CAMTA1: variants seen among roughly 807,000 people sequenced by gnomAD.
CAMTA1 encodes the protein calmodulin binding transcription activator 1, also known as calmodulin-binding transcription activator 1.
A neutral mutation model predicts 170.9 loss-of-function variants in CAMTA1; 27 were observed. The ratio of observed to expected loss-of-function variants is 0.16; its 90% CI spans 0.12 to 0.22. The LOEUF (loss-of-function observed/expected upper bound fraction) is 0.22, where lower values mean the gene tolerates loss of function less well. Among genes scored for constraint, CAMTA1 ranks in the 10% least tolerant of loss-of-function variants. CAMTA1 has a pLI of 1.00. For synonymous variants in CAMTA1, 833 were observed against 891.5 expected, an observed-to-expected ratio of 0.93 and a Z score of 1.17; for missense variants, 1,619 against 2,217.2, an observed-to-expected ratio of 0.73 and a Z score of 5.42.
At chr1:7,672,122 C>A (rs776546164) in intron 10 of CAMTA1, 1 of 452,784 alleles carries the variant, frequency 2.2e-6, no homozygotes, top group Non-Finnish European at 4.4e-6. Context: ...TGCAGGGGTG[C>A]GGAACGGCAG....
chr1:7,313,431 G>C (rs1677036935), intron 5 of CAMTA1, among the ~76,000 whole-genome samples: 1 of 152,206 alleles, frequency 6.6e-6, no homozygotes, highest in Admixed American at 6.5e-5. Context: ...TTGATGAACT[G>C]CACTCCACGG....
At chr1:6,967,203 T>C (rs1397400581) in intron 3 of CAMTA1, among the ~76,000 whole-genome samples, 1 of 151,980 alleles carries the variant, frequency 6.6e-6, no homozygotes, top group Non-Finnish European at 1.5e-5. Flanking sequence ...ACTGTGCCAC[T>C]GCACTCCAGC....
In CAMTA1 at chr1:7,680,565, G is replaced by A. The variant is rs2096182792; in HGVS notation, c.2914+2832G>A. On this transcript the variant is annotated intron_variant, in intron 11 of 22. Transcript: ENST00000303635. This position sits in a 1 kb window ranked among gnomAD's most constrained non-coding sequence, Gnocchi z 4.4. The stretch of plus-strand genomic sequence containing the variant: ...TCTGGGGCCCCAGCAGGGACTGCGA[G>A]GACCGCGGGACTAGGAAGGCCTGAG... Among the ~76,000 whole-genome samples the A allele has an allele frequency of 6.6e-6, 1 of 151,828 alleles. No homozygotes were observed. The highest frequency in any genetic ancestry group is 1.5e-5 in the Non-Finnish European group (1 of 67,914).
chr1:7,195,320 C>T lies in CAMTA1; in HGVS notation c.303-54171C>T, dbSNP rs1274593139. Among the ~76,000 whole-genome samples, 1 of 152,198 alleles carries T rather than the reference C, an allele frequency of 6.6e-6. No homozygotes were observed. Among genetic ancestry groups the T allele is most frequent in the Non-Finnish European group, 1.5e-5 (1 of 68,038 alleles). On this transcript the variant is annotated intron_variant, in intron 4 of 22. Transcript: ENST00000303635. This position sits in a 1 kb window ranked among gnomAD's most constrained non-coding sequence, Gnocchi z 4.1. The stretch of plus-strand genomic sequence containing the variant: ...ATGCAAGTGGAAATGACAAGTGCGA[C>T]TTCATGGCACAGATTTTCGGAGTCC...
rs2101362524 is a variant in CAMTA1 at position 7,041,363 on chromosome 1, G to T, written c.235-49941G>T. 6.6e-6 allele frequency among the ~76,000 whole-genome samples: 1 copy of T among 152,228 alleles called. No homozygotes were observed. Among genetic ancestry groups the T allele is most frequent in the East Asian group, 1.9e-4 (1 of 5,188 alleles). Reference sequence around the variant, plus strand: ...GCATCTATTGTCTAAGAGGGCTGGGGAAGCTCACTGTTTGAAACACACACA... The same window carrying T: ...GCATCTATTGTCTAAGAGGGCTGGGTAAGCTCACTGTTTGAAACACACACA... On this transcript the variant is annotated intron_variant, in intron 3 of 22. Coordinates refer to ENST00000303635, the MANE Select transcript of CAMTA1 (RefSeq NM_015215.4). The surrounding 1 kb of genome is among the most constrained non-coding windows in gnomAD (Gnocchi z 5.1).
Position 7,455,927 on chromosome 1 carries a change from G to A in CAMTA1, c.439-11903G>A, listed in dbSNP as rs542729725. The stretch of plus-strand genomic sequence containing the variant: ...GCCGGCCACCTGGGGCTGTGTAGCC[G>A]AAGCTCCCAGCGCCAGAGGGTACAG... On this transcript the variant is annotated intron_variant, in intron 5 of 22. Coordinates refer to ENST00000303635, the MANE Select transcript of CAMTA1 (RefSeq NM_015215.4). This position sits in a 1 kb window ranked among gnomAD's most constrained non-coding sequence, Gnocchi z 5.0. Among the ~76,000 whole-genome samples, 640 of 152,290 alleles carry A rather than the reference G, an allele frequency of 4.2e-3. No individual in the cohort carries two copies. Among genetic ancestry groups the A allele is most frequent in the African/African-American group, 0.014 (576 of 41,558 alleles).
intron 5 of CAMTA1, among the ~76,000 whole-genome samples, chr1:7,284,116 A>C (rs535980369): frequency 1.5e-4 from 21 of 144,058 alleles, no homozygotes; most frequent in Admixed American, 4.8e-4. Flanking sequence ...CTGTTTCGGT[A>C]TTTGCTGCTG....
In CAMTA1 at chr1:7,748,136, T is replaced by A. The variant is rs1402398169; in HGVS notation, c.4689+355T>A. 6.6e-6 allele frequency among the ~76,000 whole-genome samples: 1 copy of A among 152,062 alleles called. No homozygotes were observed. The highest frequency in any genetic ancestry group is 1.5e-5 in the Non-Finnish European group (1 of 68,006). On this transcript the variant is annotated intron_variant, in intron 19 of 22. Transcript: ENST00000303635. The surrounding 1 kb of genome is among the most constrained non-coding windows in gnomAD (Gnocchi z 4.7). ...CCATGTTGCCAGGCTGGTCTTGAACTCCTGACCTCAAGTGATCTGCCCGCC... is the reference window on the plus strand; with the variant it reads ...CCATGTTGCCAGGCTGGTCTTGAACACCTGACCTCAAGTGATCTGCCCGCC...
In CAMTA1 at chr1:7,426,172, AAC is replaced by A. The variant is rs2091865905; in HGVS notation, c.439-41656_439-41655del. On this transcript the variant is annotated intron_variant, in intron 5 of 22. Coordinates refer to ENST00000303635, the MANE Select transcript of CAMTA1 (RefSeq NM_015215.4). This position sits in a 1 kb window ranked among gnomAD's most constrained non-coding sequence, Gnocchi z 4.8. ...CAGATTACCTTTCCAGCCTGACTTT[AAC>A]AGTTTAAAAAGGTGAGGGCACCTCC... is the stretch of plus-strand genomic sequence containing the variant. Among the ~76,000 whole-genome samples the A allele has an allele frequency of 6.6e-6, 1 of 151,892 alleles. No homozygotes were observed. The highest frequency in any genetic ancestry group is 2.4e-5 in the African/African-American group (1 of 41,196).
intron 5 of CAMTA1, among the ~76,000 whole-genome samples, chr1:7,277,900 T>C (rs2149441513): frequency 6.6e-6 from 1 of 152,356 alleles, no homozygotes; most frequent in Non-Finnish European, 1.5e-5. Context: ...CTTAACCTGT[T>C]CACTGACATT....
chr1:7,139,158 A>AAT (rs1254300852), intron 4 of CAMTA1, among the ~76,000 whole-genome samples: 1 of 142,280 alleles, frequency 7.0e-6, no homozygotes, highest in Non-Finnish European at 1.5e-5. Context: ...TATAAATATA[A>AAT]ATATATATAA....
At chr1:7,496,584 T>G (rs1433583579) in intron 6 of CAMTA1, among the ~76,000 whole-genome samples, 1 of 152,190 alleles carries the variant, frequency 6.6e-6, no homozygotes. Flanking sequence ...AATGTTCCCC[T>G]GGGATTAATC....
intron 5 of CAMTA1, among the ~76,000 whole-genome samples, chr1:7,311,238 A>G (rs955801124): frequency 5.9e-5 from 9 of 152,208 alleles, no homozygotes; most frequent in Non-Finnish European, 1.0e-4. Flanking sequence ...TAATATTCCA[A>G]TAACACAGAT....
chr1:7,690,401 C>G (rs943754187), intron 11 of CAMTA1, among the ~76,000 whole-genome samples: 2 of 152,180 alleles, frequency 1.3e-5, no homozygotes, highest in African/African-American at 2.4e-5. Flanking sequence ...CCAGTGGAGG[C>G]CTCAGAGTGT....
Position 7,656,465 on chromosome 1 carries a change from C to T in CAMTA1, c.665-5261C>T, listed in dbSNP as rs143694480. ...TCCCACCCATGTGACCTCACTTAAC[C>T]GTAATTACCTCCTTAAAAGTCTGTT... On this transcript the variant is annotated intron_variant, in intron 7 of 22. Coordinates refer to ENST00000303635, the MANE Select transcript of CAMTA1 (RefSeq NM_015215.4). 4.8e-3 allele frequency among the ~76,000 whole-genome samples: 736 copies of T among 152,356 alleles called. 3 individuals are homozygous for T. Among genetic ancestry groups the T allele is most frequent in the Middle Eastern group, 6.8e-3 (2 of 294 alleles).
chr1:7,047,706 T>C (rs1705616077), intron 3 of CAMTA1, among the ~76,000 whole-genome samples: 1 of 132,800 alleles, frequency 7.5e-6, no homozygotes, highest in African/African-American at 3.9e-5. Context: ...TTTGGCTTTC[T>C]CTCTCTCTCT....
At chr1:7,274,214 G>A (rs1670253658) in intron 5 of CAMTA1, among the ~76,000 whole-genome samples, 1 of 151,970 alleles carries the variant, frequency 6.6e-6, no homozygotes, top group Non-Finnish European at 1.5e-5. Flanking sequence ...CTTTCTACAA[G>A]AAACACTTTA....
rs115725366 is a variant in CAMTA1 at position 7,095,641 on chromosome 1, G to A, written c.302+4270G>A. ...CCTCTATTCCTCTCCGCCTCTCACT[G>A]CCGTGAATTCCAAACCAACTAGGAG... On this transcript the variant is annotated intron_variant, in intron 4 of 22. Transcript: ENST00000303635. 3.7e-3 allele frequency among the ~76,000 whole-genome samples: 557 copies of A among 152,336 alleles called. 4 individuals are homozygous for A. The highest frequency in any genetic ancestry group is 0.013 in the African/African-American group (529 of 41,586).
intron 3 of CAMTA1, among the ~76,000 whole-genome samples, chr1:6,882,031 G>A (rs1322725865): frequency 6.6e-6 from 1 of 152,052 alleles, no homozygotes; most frequent in Non-Finnish European, 1.5e-5. Flanking sequence ...ATCTTCCAGG[G>A]CAGGGCCAGC....
Sources: allele counts gnomAD v4.1 joint callset (sites outside exome capture counted in the v4.1 genomes callset), GRCh38; gene constraint gnomAD v4.1.1; non-coding constraint Gnocchi (gnomAD v3.1); transcripts MANE v1.5; gene names NCBI Gene and HGNC (gene_info 2026-07-23, HGNC 2026-07-21).